Variants in DCLK1 observed in about 807,000 individuals in gnomAD.
The protein encoded by DCLK1 is serine/threonine-protein kinase DCLK1.
A neutral mutation model predicts 86.2 loss-of-function variants in DCLK1; 16 were observed. That is an observed-to-expected ratio of 0.19 (90% CI 0.13 to 0.28). The LOEUF (loss-of-function observed/expected upper bound fraction) is 0.28. DCLK1 is among the 10% of genes least tolerant of loss of function. DCLK1 has a pLI of 1.00. For missense variants in DCLK1, 590 were observed against 940.2 expected, an observed-to-expected ratio of 0.63 and a Z score of 4.87; for synonymous variants, 369 against 370.5, an observed-to-expected ratio of 1.00 and a Z score of 0.05.
At chr13:35,774,976 G>C (rs924956057) in intron 16 of DCLK1, among the ~76,000 whole-genome samples, 1 of 152,084 alleles carries the variant, frequency 6.6e-6, no homozygotes, top group African/African-American at 2.4e-5. Flanking sequence ...ACTTTTGCTA[G>C]CTGCACATTT....
At chr13:36,004,034 T>A (rs1356663700) in intron 3 of DCLK1, among the ~76,000 whole-genome samples, 1 of 152,124 alleles carries the variant, frequency 6.6e-6, no homozygotes, top group African/African-American at 2.4e-5. Context: ...AGAAGCAAAA[T>A]AAAACACAAA....
At chr13:36,062,294 C>A (rs1883580723) in intron 3 of DCLK1, among the ~76,000 whole-genome samples, 1 of 152,164 alleles carries the variant, frequency 6.6e-6, no homozygotes, top group Admixed American at 6.5e-5. Context: ...AAATCATCCC[C>A]CTTTGTCCAA....
intron 5 of DCLK1, among the ~76,000 whole-genome samples, chr13:35,861,924 T>C (rs1871421749): frequency 6.7e-6 from 1 of 149,326 alleles, no homozygotes; most frequent in South Asian, 2.1e-4. Flanking sequence ...TCCCAGCTAC[T>C]CGAAGGCTGA....
At chr13:35,973,207 C>G (rs751973233) in intron 3 of DCLK1, among the ~76,000 whole-genome samples, 1 of 152,172 alleles carries the variant, frequency 6.6e-6, no homozygotes, top group Non-Finnish European at 1.5e-5. Context: ...CCAGTGGAAC[C>G]CCCATGAAAT....
intron 5 of DCLK1, among the ~76,000 whole-genome samples, chr13:35,868,500 G>C (rs1409159869): frequency 6.6e-6 from 1 of 152,138 alleles, no homozygotes; most frequent in East Asian, 1.9e-4. Flanking sequence ...TATATACTGA[G>C]AGGAAGAAGA....
rs773822732 is a variant in DCLK1 at position 35,793,473 on chromosome 13, C to A, written c.1951G>T (p.Gly651Cys). 1.9e-6 allele frequency: 3 copies of A among 1,595,102 alleles called. No individual in the cohort carries two copies. The highest frequency in any genetic ancestry group is 1.1e-5 in the South Asian group (1 of 87,548). Residue 651 changes from glycine (G) to cysteine (C), a missense_variant, in exon 16 of 17, where the codon GGC becomes TGC. Around this residue, in one of 6 missense-constraint regions of DCLK1, gnomAD observed 146 missense variants for 190.2 expected, o/e 0.77. Transcript: ENST00000360631. ...AGCTGATGTTCATTTTCTGGGAGGC[C>A]ATCATCCTGGAGAAAAAGAAATAAA... ...VLEHPWVNDD[G>C]LPENEHQLSV...
chr13:35,868,444 C>T (rs1349753290), intron 5 of DCLK1, among the ~76,000 whole-genome samples: 1 of 152,104 alleles, frequency 6.6e-6, no homozygotes, highest in Non-Finnish European at 1.5e-5. Flanking sequence ...TGGCTAATTA[C>T]CCATTATTAG....
intron 3 of DCLK1, among the ~76,000 whole-genome samples, chr13:35,978,203 CTTTTTTT>C (rs11311688): frequency 1.8e-4 from 15 of 82,764 alleles, no homozygotes; most frequent in African/African-American, 2.4e-4. Flanking sequence ...CTTTTCTTTT[CTTTTTTT>C]TTTTTTTTTT....
chr13:36,072,198 C>T (rs115603048), intron 3 of DCLK1, among the ~76,000 whole-genome samples: 230 of 152,320 alleles, frequency 1.5e-3, no homozygotes, highest in African/African-American at 5.3e-3. Flanking sequence ...GGTTATTCTA[C>T]TCAATCATCA....
chr13:35,945,457 G>C (rs545730733), intron 4 of DCLK1, among the ~76,000 whole-genome samples: 1 of 152,230 alleles, frequency 6.6e-6, no homozygotes, highest in South Asian at 2.1e-4. Flanking sequence ...CTGGGGCCTA[G>C]ATAGAGACCC....
intron 3 of DCLK1, among the ~76,000 whole-genome samples, chr13:36,097,234 T>C (rs1311376884): frequency 6.6e-6 from 1 of 152,248 alleles, no homozygotes; most frequent in Non-Finnish European, 1.5e-5. Flanking sequence ...GGAGCCCAGA[T>C]TGACTGCAAA....
intron 3 of DCLK1, among the ~76,000 whole-genome samples, chr13:36,059,877 T>G (rs1883477017): frequency 6.6e-6 from 1 of 151,872 alleles, no homozygotes; most frequent in Non-Finnish European, 1.5e-5. Flanking sequence ...TCTTTTTTTT[T>G]TTTTTTTCTT....
chr13:35,786,714 AG>A (rs1024516632), intron 16 of DCLK1, among the ~76,000 whole-genome samples: 2 of 152,330 alleles, frequency 1.3e-5, no homozygotes, highest in African/African-American at 4.8e-5. Flanking sequence ...TCAAAAAAGA[AG>A]GGTCTGCACA....
chr13:36,122,823 GAC>G (rs1167441562), intron 2 of DCLK1, among the ~76,000 whole-genome samples: 1 of 152,152 alleles, frequency 6.6e-6, no homozygotes, highest in Non-Finnish European at 1.5e-5. Context: ...GTGCATAGGT[GAC>G]ACACATACAA....
intron 3 of DCLK1, among the ~76,000 whole-genome samples, chr13:35,968,262 A>C (rs1250549812): frequency 6.6e-6 from 1 of 152,168 alleles, no homozygotes; most frequent in Non-Finnish European, 1.5e-5. Flanking sequence ...GTGTTTAATG[A>C]GTCTGCAGCT....
chr13:35,857,546 C>T (rs969709241), intron 5 of DCLK1, among the ~76,000 whole-genome samples: 2 of 152,248 alleles, frequency 1.3e-5, no homozygotes, highest in Non-Finnish European at 2.9e-5. Flanking sequence ...CTGCATCTAA[C>T]TTTCAAAATA....
intron 3 of DCLK1, among the ~76,000 whole-genome samples, chr13:36,095,448 C>T (rs528463448): frequency 6.6e-5 from 10 of 152,020 alleles, no homozygotes; most frequent in African/African-American, 1.4e-4. Context: ...TCAGGCAATC[C>T]GCCCGCCTCA....
chr13:36,109,875 A>G (rs1885545978), intron 3 of DCLK1, among the ~76,000 whole-genome samples: 1 of 152,214 alleles, frequency 6.6e-6, no homozygotes. Context: ...TTCAGTAAGG[A>G]AGAAAACAAC....
rs976101944 is a variant in DCLK1 at position 35,903,273 on chromosome 13, A to G, written c.824-31933T>C. On this transcript the variant is annotated intron_variant, in intron 4 of 16. Transcript: ENST00000360631. ...TTAAACTTCATTATGTCAGGCACAC[A>G]TGGCAAATTAAACAGAATGCTACAG... 2.0e-5 allele frequency among the ~76,000 whole-genome samples: 3 copies of G among 152,232 alleles called. No homozygotes were observed. In the South Asian group the frequency reaches 6.2e-4, roughly 31 times the overall value.
Sources: gnomAD v4.1 joint callset for allele counts (sites outside exome capture counted in the v4.1 genomes callset) on GRCh38, gnomAD v4.1.1 for gene constraint, gnomAD v4.1.1 regional missense constraint, MANE v1.5 for transcripts, NCBI Gene and HGNC (gene_info 2026-07-23, HGNC 2026-07-21) for gene names.